Variants in PRKCB observed in about 807,000 individuals in gnomAD.
PRKCB encodes the protein protein kinase C beta type.
In PRKCB, 13 loss-of-function variants were observed where a neutral mutation model predicts 81.5. The ratio of observed to expected loss-of-function variants is 0.16; its 90% confidence interval spans 0.10 to 0.25. The LOEUF (loss-of-function observed/expected upper bound fraction) is 0.25. Among genes scored for constraint, PRKCB ranks in the 10% least tolerant of loss-of-function variants. PRKCB has a pLI of 1.00. For synonymous variants in PRKCB, 335 were observed against 321.4 expected, an observed-to-expected ratio of 1.04 and a Z score of -0.45; for missense variants, 509 against 875.7, an observed-to-expected ratio of 0.58 and a Z score of 5.29.
chr16:23,844,521 T>A (rs981034307), intron 2 of PRKCB, among the ~76,000 whole-genome samples: 3 of 152,210 alleles, frequency 2.0e-5, no homozygotes, highest in African/African-American at 7.2e-5. Context: ...AAGTTCTTTT[T>A]TTTGAGACGG....
At chr16:23,890,021 T>C (rs1168699567) in intron 2 of PRKCB, among the ~76,000 whole-genome samples, 1 of 152,262 alleles carries the variant, frequency 6.6e-6, no homozygotes, top group Admixed American at 6.5e-5. Context: ...TTCACTTATC[T>C]AATTCCAATA....
chr16:23,920,542 G>A (rs1382278118), intron 2 of PRKCB, among the ~76,000 whole-genome samples: 1 of 152,130 alleles, frequency 6.6e-6, no homozygotes, highest in Non-Finnish European at 1.5e-5. Flanking sequence ...TGACACTAAT[G>A]GAACAATTTA....
At chr16:24,024,635 GCCTCAGC>G (rs1965452389) in intron 3 of PRKCB, among the ~76,000 whole-genome samples, 1 of 152,194 alleles carries the variant, frequency 6.6e-6, no homozygotes, top group Non-Finnish European at 1.5e-5. Flanking sequence ...AAAATTAGCA[GCCTCAGC>G]CCTGGAACTG....
intron 2 of PRKCB, chr16:23,869,242 C>T (rs1160534307): frequency 2.7e-6 from 1 of 376,122 alleles, no homozygotes; most frequent in Non-Finnish European, 5.6e-6. Context: ...TTCTTCCCAC[C>T]TCTGCCACAA....
At chr16:24,201,870 C>T (rs1158450419) in intron 16 of PRKCB, among the ~76,000 whole-genome samples, 1 of 151,994 alleles carries the variant, frequency 6.6e-6, no homozygotes. Flanking sequence ...CCCATCTCCA[C>T]TAAAAAATAC....
At chr16:24,168,075 A>G (rs1967374628) in intron 10 of PRKCB, among the ~76,000 whole-genome samples, 1 of 152,228 alleles carries the variant, frequency 6.6e-6, no homozygotes, top group Admixed American at 6.5e-5. Flanking sequence ...GTTACATATA[A>G]GATAAAGTTC....
intron 2 of PRKCB, among the ~76,000 whole-genome samples, chr16:23,977,273 G>A (rs1429154058): frequency 6.6e-6 from 1 of 152,170 alleles, no homozygotes; most frequent in Non-Finnish European, 1.5e-5. Context: ...TCCCAGATGT[G>A]TTAGTGTGGG....
intron 16 of PRKCB, among the ~76,000 whole-genome samples, chr16:24,200,923 T>A (rs1223041575): frequency 6.6e-6 from 1 of 152,028 alleles, no homozygotes; most frequent in African/African-American, 2.4e-5. Flanking sequence ...TTATTATTTA[T>A]TATTATTATT....
chr16:23,874,324 A>C (rs1962959498), intron 2 of PRKCB, among the ~76,000 whole-genome samples: 1 of 152,182 alleles, frequency 6.6e-6, no homozygotes, highest in Non-Finnish European at 1.5e-5. Context: ...TGTCAGCTAG[A>C]TTCTGCCTAT....
chr16:24,114,689 G>A lies in PRKCB; in HGVS notation c.918+1620G>A, dbSNP rs188809286. 4.6e-5 allele frequency among the ~76,000 whole-genome samples: 7 copies of A among 152,260 alleles called. No individual in the cohort carries two copies. In the East Asian group the frequency reaches 1.4e-3, roughly 29 times the overall value. On this transcript the variant is annotated intron_variant, in intron 8 of 16. Transcript: ENST00000643927. The stretch of plus-strand genomic sequence containing the variant: ...GATTTTAGTAGTTTCCTGAGGAAAA[G>A]CACATTATTTTGTTCCCACAAACTC...
intron 7 of PRKCB, among the ~76,000 whole-genome samples, chr16:24,102,807 G>A (rs1966524967): frequency 6.6e-6 from 1 of 152,116 alleles, no homozygotes; most frequent in Admixed American, 6.6e-5. Context: ...TTTATTTTGT[G>A]TTTGGCTTTG....
intron 2 of PRKCB, among the ~76,000 whole-genome samples, chr16:23,983,875 T>C (rs8050427): frequency 0.62 from 94,422 of 151,676 alleles, 30,030 homozygotes; most frequent in South Asian, 0.78. Context: ...GCCACCACAC[T>C]TTGCTAATTT....
chr16:23,983,180 C>T (rs1159425223), intron 2 of PRKCB, among the ~76,000 whole-genome samples: 1 of 151,040 alleles, frequency 6.6e-6, no homozygotes, highest in Non-Finnish European at 1.5e-5. Context: ...AATGAGGGGG[C>T]GTTTATTTGT....
intron 5 of PRKCB, among the ~76,000 whole-genome samples, chr16:24,042,248 C>G (rs1418744958): frequency 6.6e-6 from 1 of 152,152 alleles, no homozygotes; most frequent in Non-Finnish European, 1.5e-5. Context: ...AAAGCCATTC[C>G]TCCTCGGAGG....
chr16:24,117,470 T>C (rs1966748660), intron 8 of PRKCB, among the ~76,000 whole-genome samples: 1 of 152,242 alleles, frequency 6.6e-6, no homozygotes, highest in South Asian at 2.1e-4. Context: ...GTGCCATTTA[T>C]GATTCTAAGT....
rs571107803 is a variant in PRKCB, at chr16:23,973,668, C to G, written c.206-14840C>G. ...CAGGACAGAAGTGATATTTAATCCC[C>G]AAGAAAATAATATATTTTTTTTCTT... On this transcript the variant is annotated intron_variant, in intron 2 of 16. Transcript: ENST00000643927. 6.6e-5 allele frequency among the ~76,000 whole-genome samples: 10 copies of G among 151,850 alleles called. No individual in the cohort carries two copies. The East Asian group carries it at 2.0e-3, about 30-fold the overall frequency.
intron 2 of PRKCB, among the ~76,000 whole-genome samples, chr16:23,953,794 A>G (rs911200419): frequency 6.6e-6 from 1 of 152,234 alleles, no homozygotes; most frequent in Non-Finnish European, 1.5e-5. Flanking sequence ...ATGGCAATAA[A>G]TAAGACAGAC....
At chr16:24,031,944 T>C in intron 3 of PRKCB, 192 bp from the exon 4 acceptor site, 1 of 503,586 alleles carries the variant, frequency 2.0e-6, no homozygotes. Flanking sequence ...GTCTTTGTCC[T>C]TCATTCCTTC....
chr16:23,838,301 A>G (rs1372388516), intron 2 of PRKCB, among the ~76,000 whole-genome samples: 2 of 152,192 alleles, frequency 1.3e-5, no homozygotes, highest in Non-Finnish European at 2.9e-5. Context: ...GCTTGAAAAC[A>G]ATCGTTTGGA....
Sources: allele counts gnomAD v4.1 joint callset (sites outside exome capture counted in the v4.1 genomes callset), GRCh38; gene constraint gnomAD v4.1.1; transcripts MANE v1.5; gene names NCBI Gene and HGNC (gene_info 2026-07-23, HGNC 2026-07-21).